SNCAIP: variants seen among roughly 807,000 people sequenced by gnomAD.
The protein encoded by SNCAIP is synuclein alpha interacting protein, also known as synphilin-1.
In SNCAIP, 43 loss-of-function variants were observed where a neutral mutation model predicts 86.7. The observed-to-expected ratio is 0.50, with a 90% CI of 0.39 to 0.64. The LOEUF (loss-of-function observed/expected upper bound fraction) is 0.64, where lower values mean the gene tolerates loss of function less well. Among genes scored for constraint, SNCAIP ranks in the 30% least tolerant of loss-of-function variants. The pLI, the probability that SNCAIP is intolerant of heterozygous loss-of-function variation, is 0.00. For synonymous variants in SNCAIP, 417 were observed against 427.2 expected (o/e 0.98, Z 0.29); for missense variants, 981 against 1,103.1 (o/e 0.89, Z 1.57).
At chr5:122,463,107 G>A (rs565347686) in intron 10 of SNCAIP, among the ~76,000 whole-genome samples, 4 of 152,278 alleles carry the variant, frequency 2.6e-5, no homozygotes, top group South Asian at 2.1e-4. Flanking sequence ...GAGAATAAAA[G>A]TGTCACCAGT....
At chr5:122,377,156 A>G (rs969780097) in intron 1 of SNCAIP, among the ~76,000 whole-genome samples, 2 of 152,136 alleles carry the variant, frequency 1.3e-5, no homozygotes, top group Non-Finnish European at 2.9e-5. Context: ...TAGAGAGGAA[A>G]GCTTTTTTCT....
chr5:122,377,683 T>G (rs1274626425), intron 1 of SNCAIP, among the ~76,000 whole-genome samples: 1 of 90,036 alleles, frequency 1.1e-5, no homozygotes, highest in Non-Finnish European at 2.1e-5. Flanking sequence ...ATGCTATCCC[T>G]CCCCCCTCCC....
At chr5:122,421,292 C>G (rs1381168148) in intron 3 of SNCAIP, among the ~76,000 whole-genome samples, 1 of 152,178 alleles carries the variant, frequency 6.6e-6, no homozygotes, top group Non-Finnish European at 1.5e-5. Context: ...AAACCTCATG[C>G]AAAACTGTGG....
chr5:122,435,687 AG>A (rs1484131297), intron 6 of SNCAIP, among the ~76,000 whole-genome samples: 2 of 152,292 alleles, frequency 1.3e-5, no homozygotes, highest in African/African-American at 4.8e-5. Context: ...TTTTGAAAAA[AG>A]AAAAGGCTCA....
chr5:122,399,202 G>A (rs1013438033), intron 2 of SNCAIP, among the ~76,000 whole-genome samples: 1 of 152,128 alleles, frequency 6.6e-6, no homozygotes, highest in African/African-American at 2.4e-5. Flanking sequence ...GGGAAGCTCT[G>A]AGGGCACACT....
chr5:122,346,737 T>G (rs1459711843), intron 1 of SNCAIP, among the ~76,000 whole-genome samples: 1 of 151,796 alleles, frequency 6.6e-6, no homozygotes, highest in Admixed American at 6.6e-5. Context: ...ACTCTTGAAT[T>G]CATTTCTGAT....
chr5:122,339,189 T>C (rs1226977229), intron 1 of SNCAIP, among the ~76,000 whole-genome samples: 22 of 152,190 alleles, frequency 1.4e-4, no homozygotes, highest in Admixed American at 1.4e-3. Flanking sequence ...ATGGATGTTT[T>C]GGTGAAATTT....
At chr5:122,462,181 C>T (rs1216251800) in intron 10 of SNCAIP, among the ~76,000 whole-genome samples, 1 of 152,092 alleles carries the variant, frequency 6.6e-6, no homozygotes, top group African/African-American at 2.4e-5. Flanking sequence ...CAGAAGTACA[C>T]GGTGCTTCTA....
intron 1 of SNCAIP, among the ~76,000 whole-genome samples, chr5:122,325,137 G>A (rs1341483921): frequency 6.6e-6 from 1 of 151,932 alleles, no homozygotes; most frequent in African/African-American, 2.4e-5. Flanking sequence ...GGCAAGTTTG[G>A]GACACTTGGG....
chr5:122,321,944 T>A (rs1242500422), intron 1 of SNCAIP: 3 of 152,066 alleles, frequency 2.0e-5, no homozygotes, highest in Non-Finnish European at 2.9e-5. Flanking sequence ...ATCATAAGTC[T>A]TATTCAACAA....
intron 1 of SNCAIP, among the ~76,000 whole-genome samples, chr5:122,325,398 T>C (rs1182489172): frequency 1.3e-5 from 2 of 152,170 alleles, no homozygotes; most frequent in African/African-American, 4.8e-5. Context: ...GCACATGTGC[T>C]TACAGGCAGC....
chr5:122,356,621 C>A, intron 1 of SNCAIP, among the ~76,000 whole-genome samples: 1 of 152,196 alleles, frequency 6.6e-6, no homozygotes, highest in Non-Finnish European at 1.5e-5. Context: ...CCTTCTTTCT[C>A]TTGGTTCCAG....
At chr5:122,320,763 G>T (rs1435191793) in intron 1 of SNCAIP, among the ~76,000 whole-genome samples, 1 of 152,182 alleles carries the variant, frequency 6.6e-6, no homozygotes, top group Non-Finnish European at 1.5e-5. Context: ...CACAGATGGA[G>T]TGAAGACAGG....
chr5:122,374,260 C>T (rs549347487), intron 1 of SNCAIP, among the ~76,000 whole-genome samples: 26 of 152,276 alleles, frequency 1.7e-4, no homozygotes, highest in African/African-American at 6.0e-4. Context: ...GATCACTCCA[C>T]TTTGGATTTC....
intron 3 of SNCAIP, among the ~76,000 whole-genome samples, chr5:122,414,659 G>A (rs1774917705): frequency 6.6e-6 from 1 of 152,172 alleles, no homozygotes; most frequent in African/African-American, 2.4e-5. Flanking sequence ...ACTGATTTCT[G>A]GGATTCCATT....
chr5:122,452,231 T>C (rs967047132), intron 10 of SNCAIP, among the ~76,000 whole-genome samples: 1 of 152,202 alleles, frequency 6.6e-6, no homozygotes, highest in African/African-American at 2.4e-5. Flanking sequence ...CATTTTATAA[T>C]TGCCTTCACT....
At chr5:122,421,914 G>A (rs1776436816) in intron 3 of SNCAIP, among the ~76,000 whole-genome samples, 1 of 151,070 alleles carries the variant, frequency 6.6e-6, no homozygotes, top group African/African-American at 2.4e-5. Context: ...ACCTCCAGGT[G>A]TGTCTGGCTG....
At chr5:122,395,480 T>C (rs974227483) in intron 2 of SNCAIP, among the ~76,000 whole-genome samples, 1 of 152,176 alleles carries the variant, frequency 6.6e-6, no homozygotes, top group Non-Finnish European at 1.5e-5. Flanking sequence ...CACTTTTCAA[T>C]CCTCTTTGGT....
At chr5:122,450,106 C>CTG (rs1169955599) in intron 9 of SNCAIP, among the ~76,000 whole-genome samples, 169 bp downstream of exon 9, 3 of 152,330 alleles carry the variant, frequency 2.0e-5, no homozygotes, top group African/African-American at 7.2e-5. Flanking sequence ...GACCTAGAGT[C>CTG]TGAAGACCTG....
Sources: allele counts gnomAD v4.1 joint callset (sites outside exome capture counted in the v4.1 genomes callset), GRCh38; gene constraint gnomAD v4.1.1; transcripts MANE v1.5; gene names NCBI Gene and HGNC (gene_info 2026-07-23, HGNC 2026-07-21).